OSBPL1A: variants seen among roughly 807,000 people sequenced by gnomAD.
OSBPL1A encodes the protein oxysterol-binding protein-related protein 1.
A neutral mutation model predicts 137.1 loss-of-function variants in OSBPL1A; 80 were observed. The observed-to-expected ratio is 0.58, with a 90% confidence interval of 0.49 to 0.70. The LOEUF (loss-of-function observed/expected upper bound fraction) is 0.70. OSBPL1A is among the 30% of genes least tolerant of loss of function. OSBPL1A has a pLI of 0.00. For missense variants in OSBPL1A, 970 were observed against 1,129.4 expected, an observed-to-expected ratio of 0.86 and a Z score of 2.02; for synonymous variants, 365 against 389.7, an observed-to-expected ratio of 0.94 and a Z score of 0.75.
intron 4 of OSBPL1A, among the ~76,000 whole-genome samples, chr18:24,349,948 A>G (rs1301326032): frequency 6.6e-6 from 1 of 152,172 alleles, no homozygotes; most frequent in African/African-American, 2.4e-5. Flanking sequence ...ATTTATGGTA[A>G]TTTGTTATGC....
At chr18:24,227,674 G>A (rs1045343289) in intron 16 of OSBPL1A, among the ~76,000 whole-genome samples, 1 of 152,152 alleles carries the variant, frequency 6.6e-6, no homozygotes, top group Non-Finnish European at 1.5e-5. Context: ...TGCTCGGGCG[G>A]AGGTGAGAGA....
At chr18:24,282,399 G>A (rs910823650) in intron 14 of OSBPL1A, among the ~76,000 whole-genome samples, 8 of 152,104 alleles carry the variant, frequency 5.3e-5, no homozygotes, top group Non-Finnish European at 7.4e-5. Flanking sequence ...ACCACTGTTT[G>A]GCATAAGTAG....
chr18:24,308,499 C>T (rs1285500936), intron 13 of OSBPL1A, among the ~76,000 whole-genome samples: 1 of 152,038 alleles, frequency 6.6e-6, no homozygotes, highest in African/African-American at 2.4e-5. Context: ...GGATTACAGG[C>T]GTGAGACACC....
intron 14 of OSBPL1A, among the ~76,000 whole-genome samples, chr18:24,285,963 C>T (rs1204108351): frequency 6.6e-6 from 1 of 152,124 alleles, no homozygotes; most frequent in Non-Finnish European, 1.5e-5. Context: ...TCGAGACCAG[C>T]CTGGCTAACA....
intron 14 of OSBPL1A, among the ~76,000 whole-genome samples, chr18:24,288,347 C>T (rs144319171): frequency 7.8e-4 from 119 of 152,350 alleles, no homozygotes; most frequent in African/African-American, 2.8e-3. Flanking sequence ...AGTCAGTCAA[C>T]TTAGAGTTTA....
chr18:24,376,675 G>C (rs917742453), intron 2 of OSBPL1A, among the ~76,000 whole-genome samples: 1 of 152,248 alleles, frequency 6.6e-6, no homozygotes, highest in Admixed American at 6.5e-5. Flanking sequence ...AGCCCATGGA[G>C]GGGGTGGGAG....
At chr18:24,341,087 C>T (rs1165512545) in intron 5 of OSBPL1A, among the ~76,000 whole-genome samples, 1 of 152,176 alleles carries the variant, frequency 6.6e-6, no homozygotes, top group Non-Finnish European at 1.5e-5. Context: ...CCTCAAACTC[C>T]TAGGCTCAAA....
chr18:24,195,928 A>G, intron 18 of OSBPL1A, 197 bp downstream of exon 18: 1 of 528,098 alleles, frequency 1.9e-6, no homozygotes, highest in South Asian at 2.2e-5. Context: ...TACATCAAAA[A>G]TGCACACTAA....
At chr18:24,358,569 T>A (rs2091574132) in intron 4 of OSBPL1A, 2 of 700,830 alleles carry the variant, frequency 2.9e-6, no homozygotes, top group Admixed American at 4.0e-5. Context: ...AATGAAACGA[T>A]ACGTGTCAAG....
chr18:24,292,745 G>A (rs965806528), intron 14 of OSBPL1A, among the ~76,000 whole-genome samples: 1 of 152,122 alleles, frequency 6.6e-6, no homozygotes, highest in Non-Finnish European at 1.5e-5. Flanking sequence ...AGTGCTGAGG[G>A]GAGGTGAACT....
At chr18:24,207,745 A>G (rs2087415902) in intron 17 of OSBPL1A, among the ~76,000 whole-genome samples, 1 of 152,102 alleles carries the variant, frequency 6.6e-6, no homozygotes, top group Admixed American at 6.5e-5. Flanking sequence ...CTTCTCAACT[A>G]TCAGACTTCT....
intron 1 of OSBPL1A, among the ~76,000 whole-genome samples, chr18:24,381,571 A>G (rs649632): frequency 0.12 from 17,872 of 152,196 alleles, 1,191 homozygotes; most frequent in African/African-American, 0.19. Flanking sequence ...CAGCTTTTAT[A>G]TTAATCCCCT....
chr18:24,317,395 T>A lies in OSBPL1A; in HGVS notation c.738A>T (p.Ser246=), dbSNP rs759453989. ...AGAATAATCTCCAGCCAAAAAATCT[T>A]GAACTCTAAGGGAAAAATAACAAAG... is the stretch of plus-strand genomic sequence containing the variant. ...KRYEGPLWKS[S]RFFGWRLFWV... The change falls in exon 10 of 28, where the codon TCA becomes TCT. Residue 246 remains serine, a synonymous_variant. Coordinates refer to ENST00000319481, the MANE Select transcript of OSBPL1A (RefSeq NM_080597.4). The A allele has an allele frequency of 4.3e-6, 7 of 1,613,174 alleles. No homozygotes were observed. The highest frequency in any genetic ancestry group is 5.9e-6 in the Non-Finnish European group (7 of 1,179,336).
chr18:24,342,596 G>A (rs1762613257), intron 4 of OSBPL1A, among the ~76,000 whole-genome samples: 1 of 152,032 alleles, frequency 6.6e-6, no homozygotes, highest in Non-Finnish European at 1.5e-5. Flanking sequence ...GGGCCATGAC[G>A]TCCATTTCCT....
At chr18:24,341,424 A>G in intron 5 of OSBPL1A, 123 bp downstream of exon 5, 1 of 662,620 alleles carries the variant, frequency 1.5e-6, no homozygotes, top group South Asian at 1.7e-5. Context: ...CCAAGATGAC[A>G]TTATCATTAG....
intron 19 of OSBPL1A, among the ~76,000 whole-genome samples, chr18:24,180,109 C>T (rs1288976663): frequency 6.6e-6 from 1 of 152,158 alleles, no homozygotes; most frequent in Admixed American, 6.5e-5. Flanking sequence ...TTTAAAAAAC[C>T]CTCAAGTCCA....
intron 4 of OSBPL1A, among the ~76,000 whole-genome samples, chr18:24,344,775 G>C (rs2091318652): frequency 6.6e-6 from 1 of 151,848 alleles, no homozygotes; most frequent in Non-Finnish European, 1.5e-5. Context: ...TTTGTTGAGG[G>C]GGAAAGTTTC....
intron 15 of OSBPL1A, among the ~76,000 whole-genome samples, chr18:24,268,417 GC>G (rs1333571646): frequency 6.6e-6 from 1 of 152,062 alleles, no homozygotes; most frequent in Non-Finnish European, 1.5e-5. Flanking sequence ...ACTGCACCTG[GC>G]CCTATATGAA....
chr18:24,206,584 T>A (rs2087381437), intron 17 of OSBPL1A, among the ~76,000 whole-genome samples: 2 of 152,190 alleles, frequency 1.3e-5, no homozygotes, highest in Admixed American at 1.3e-4. Flanking sequence ...TCCATTGACA[T>A]GATTAGATGG....
Sources: allele counts gnomAD v4.1 joint callset (sites outside exome capture counted in the v4.1 genomes callset), GRCh38; gene constraint gnomAD v4.1.1; transcripts MANE v1.5; gene names NCBI Gene and HGNC (gene_info 2026-07-23, HGNC 2026-07-21).